Variants in CDC14A observed in about 807,000 individuals in gnomAD.
CDC14A encodes dual specificity protein phosphatase CDC14A.
In CDC14A, 53 loss-of-function variants were observed where a neutral mutation model predicts 74.4. The ratio of observed to expected loss-of-function variants is 0.71; its 90% confidence interval spans 0.57 to 0.89. The LOEUF (loss-of-function observed/expected upper bound fraction) is 0.89, where lower values mean the gene tolerates loss of function less well. CDC14A is among the 40% of genes least tolerant of loss of function. The pLI is 0.00. For missense variants in CDC14A, 646 were observed against 713.7 expected, an observed-to-expected ratio of 0.91 and a Z score of 1.08; for synonymous variants, 247 against 258.4, an observed-to-expected ratio of 0.96 and a Z score of 0.43.
rs567017438 is a variant in CDC14A at position 100,427,737 on chromosome 1, A to G, written c.389+3436A>G. Among the ~76,000 whole-genome samples, 219 of 152,306 alleles carry G rather than the reference A, an allele frequency of 1.4e-3. 1 individual carries two copies. The highest frequency in any genetic ancestry group is 4.4e-3 in the African/African-American group (183 of 41,566). The stretch of plus-strand genomic sequence containing the variant: ...CAGTGCCAGTCACTGTGATAGTCCT[A>G]TGGATCAAAAGATGTTTAGGACAAC... On this transcript the variant is annotated intron_variant, in intron 5 of 15. Transcript: ENST00000336454.
chr1:100,414,254 C>T (rs1050747107), intron 4 of CDC14A, among the ~76,000 whole-genome samples: 1 of 152,020 alleles, frequency 6.6e-6, no homozygotes, highest in African/African-American at 2.4e-5. Flanking sequence ...TTGCCTGAGC[C>T]CAGGAGTTCG....
rs577207718 is a variant in CDC14A, at chr1:100,393,966, T to A, written c.309+3142T>A. 8.8e-4 allele frequency: 219 copies of A among 247,570 alleles called. 3 individuals carry two copies. The highest frequency in any genetic ancestry group is 9.9e-4 in the South Asian group (19 of 19,268). The allele number at this position is 247,570 out of a possible 1,614,324, so 15.3% of individuals were successfully genotyped here. A position where few individuals can be genotyped will look rare whatever the true frequency, so the allele number is the denominator to read the frequency against. On this transcript the variant is annotated intron_variant, in intron 4 of 15. Transcript: ENST00000336454. ...CCCCTCCCCACCGCAAAAAAAAATA[T>A]ATATATATATAGCAGTGCATCCACC... is the stretch of plus-strand genomic sequence containing the variant.
chr1:100,447,026 A>G (rs1486068872), intron 7 of CDC14A, among the ~76,000 whole-genome samples: 1 of 152,124 alleles, frequency 6.6e-6, no homozygotes, highest in Non-Finnish European at 1.5e-5. Flanking sequence ...ACTATAGCAT[A>G]TCTTAATTTA....
intron 4 of CDC14A, among the ~76,000 whole-genome samples, chr1:100,405,862 T>C (rs868203552): frequency 5.0e-4 from 76 of 152,346 alleles, no homozygotes; most frequent in African/African-American, 1.7e-3. Flanking sequence ...ATCTTTGTAA[T>C]AGAATGATTT....
intron 5 of CDC14A, among the ~76,000 whole-genome samples, chr1:100,431,608 G>A (rs1663690746): frequency 6.6e-6 from 1 of 151,884 alleles, no homozygotes; most frequent in Non-Finnish European, 1.5e-5. Context: ...TTAGGAGGCC[G>A]AGGCAAGAGG....
At chr1:100,502,573 T>G (rs1648858856) in intron 15 of CDC14A, among the ~76,000 whole-genome samples, 1 of 152,242 alleles carries the variant, frequency 6.6e-6, no homozygotes, top group Non-Finnish European at 1.5e-5. Flanking sequence ...TCTTTGTCAT[T>G]AAGTGATGCA....
intron 6 of CDC14A, among the ~76,000 whole-genome samples, chr1:100,440,775 T>C (rs941544115): frequency 6.6e-6 from 1 of 152,198 alleles, no homozygotes; most frequent in African/African-American, 2.4e-5. Flanking sequence ...ATAAAACTGA[T>C]TTTTGCTGTG....
At chr1:100,448,454 C>T (rs150206057) in intron 7 of CDC14A, among the ~76,000 whole-genome samples, 71 of 152,380 alleles carry the variant, frequency 4.7e-4, no homozygotes, top group African/African-American at 1.6e-3. Flanking sequence ...GGCCTGCAGG[C>T]CTGATGACAG....
intron 4 of CDC14A, among the ~76,000 whole-genome samples, chr1:100,394,783 C>A (rs17122383): frequency 0.068 from 10,383 of 152,250 alleles, 769 homozygotes; most frequent in African/African-American, 0.18. Context: ...CCTTAATACA[C>A]ACGGAACTAA....
At chr1:100,391,625 T>C (rs939382007) in intron 4 of CDC14A, among the ~76,000 whole-genome samples, 30 of 152,172 alleles carry the variant, frequency 2.0e-4, no homozygotes, top group African/African-American at 6.5e-4. Context: ...CTCGTGCTCC[T>C]CTGAAGCCAT....
At chr1:100,381,108 T>A (rs187847312) in intron 3 of CDC14A, among the ~76,000 whole-genome samples, 8 of 152,330 alleles carry the variant, frequency 5.3e-5, no homozygotes, top group African/African-American at 1.9e-4. Flanking sequence ...CATGTATCTT[T>A]GTGTTCTCAG....
chr1:100,473,880 G>A (rs528971952), intron 10 of CDC14A, among the ~76,000 whole-genome samples: 3 of 152,054 alleles, frequency 2.0e-5, no homozygotes, highest in African/African-American at 4.8e-5. Flanking sequence ...AACTTCCAGC[G>A]CTGTGATGAG....
At chr1:100,452,673 A>G (rs967116995) in intron 7 of CDC14A, among the ~76,000 whole-genome samples, 1 of 152,216 alleles carries the variant, frequency 6.6e-6, no homozygotes, top group African/African-American at 2.4e-5. Context: ...ACTTTCAGGA[A>G]TTCAGATTTT....
intron 4 of CDC14A, among the ~76,000 whole-genome samples, chr1:100,414,305 AAAC>A (rs781175836): frequency 2.6e-5 from 4 of 152,198 alleles, no homozygotes; most frequent in South Asian, 4.1e-4. Context: ...TCTCTACTTT[AAAC>A]AACAACAACA....
upstream of CDC14A, chr1:100,351,734 G>C (rs1489046883): frequency 1.9e-6 from 3 of 1,550,194 alleles, no homozygotes; most frequent in Non-Finnish European, 2.6e-6. Context: ...TGGCGGCCCA[G>C]ATGAGAGGGC....
intron 4 of CDC14A, among the ~76,000 whole-genome samples, chr1:100,402,825 A>G (rs1659446792): frequency 6.6e-6 from 1 of 152,234 alleles, no homozygotes; most frequent in South Asian, 2.1e-4. Context: ...ATAGTCTGCA[A>G]AAAGATTAGA....
At chr1:100,361,788 T>C (rs1652780859) in intron 2 of CDC14A, among the ~76,000 whole-genome samples, 1 of 152,210 alleles carries the variant, frequency 6.6e-6, no homozygotes, top group African/African-American at 2.4e-5. Flanking sequence ...CAGTAAATTG[T>C]GCTTGCTTGT....
chr1:100,494,958 AT>A, intron 12 of CDC14A, 28 bp downstream of exon 12: 1 of 1,142,602 alleles, frequency 8.8e-7, no homozygotes, highest in Non-Finnish European at 1.3e-6. Context: ...ACTTCAATTT[AT>A]AGTGTGCTTC....
Position 100,499,043 on chromosome 1 carries a change from G to C in CDC14A, c.1536G>C (p.Pro512=), listed in dbSNP as rs375101555. ...CTAAGGCAGGCTTCACAGCCAGCCC[G>C]TTTACCAACCTCTTGAATGGCAGCT... ...SSSKAGFTAS[P]FTNLLNGSSQ... is the part of the protein sequence containing the mutation. Residue 512 remains proline (P), a synonymous_variant, in exon 15 of 16, where the codon CCG becomes CCC. Coordinates refer to ENST00000336454, the MANE Select transcript of CDC14A (RefSeq NM_003672.4). 6.2e-7 allele frequency: 1 copy of C among 1,614,118 alleles called. No individual in the cohort carries two copies. The highest frequency in any genetic ancestry group is 1.3e-5 in the African/African-American group (1 of 75,008).
Sources: allele counts gnomAD v4.1 joint callset (sites outside exome capture counted in the v4.1 genomes callset), GRCh38; gene constraint gnomAD v4.1.1; transcripts MANE v1.5; gene names NCBI Gene and HGNC (gene_info 2026-07-23, HGNC 2026-07-21).